ABCC9: variants seen among roughly 807,000 people sequenced by gnomAD.
ABCC9 encodes the protein ATP binding cassette subfamily C member 9, also known as ATP-binding cassette sub-family C member 9.
In ABCC9, 95 loss-of-function variants were observed where a neutral mutation model predicts 188.3. The ratio of observed to expected loss-of-function variants is 0.50; its 90% confidence interval spans 0.43 to 0.60. The LOEUF (loss-of-function observed/expected upper bound fraction) is 0.60. Among genes scored for constraint, ABCC9 ranks in the 20% least tolerant of loss-of-function variants. The pLI is 0.00. For synonymous variants in ABCC9, 659 were observed against 652.7 expected (o/e 1.01, Z -0.15); for missense variants, 1,102 against 1,876.3 (o/e 0.59, Z 7.62).
At chr12:21,848,803 A>G (rs966562613) in intron 24 of ABCC9, among the ~76,000 whole-genome samples, 2 of 150,310 alleles carry the variant, frequency 1.3e-5, no homozygotes, top group African/African-American at 4.8e-5. Context: ...AAAATAGGCA[A>G]TGAGGATTCT....
In ABCC9 at chr12:21,912,995, T is replaced by C. The variant is rs1265946706; in HGVS notation, c.888A>G (p.Pro296=). 16 of 1,613,332 alleles carry C rather than the reference T, an allele frequency of 9.9e-6. No homozygotes were observed. The highest frequency in any genetic ancestry group is 1.4e-5 in the Non-Finnish European group (16 of 1,179,670). The part of the protein sequence containing the change: ...WLAMYRAFGR[P]ILLSSTFRYL... ...AGCGGAATGTGCTACTAAGTAGAAT[T>C]GGTCGCCCAAAAGCTCTGTACATTG... is the stretch of plus-strand genomic sequence containing the variant. The change falls in exon 8 of 40, where the codon CCA becomes CCG. Residue 296 remains proline, a synonymous_variant. Coordinates refer to ENST00000261200, the MANE Select transcript of ABCC9 (RefSeq NM_020297.4).
At chr12:21,892,966 C>T (rs187596580) in intron 14 of ABCC9, among the ~76,000 whole-genome samples, 12 of 152,136 alleles carry the variant, frequency 7.9e-5, no homozygotes, top group East Asian at 1.9e-4. Flanking sequence ...TTCAATATTG[C>T]GACATCTTGG....
Position 21,838,140 on chromosome 12 carries a change from C to G in ABCC9, c.3504G>C (p.Gln1168His), listed in dbSNP as rs1944197447. 1 of 1,614,104 alleles carries G rather than the reference C, an allele frequency of 6.2e-7. No homozygotes were observed. The highest frequency in any genetic ancestry group is 2.2e-5 in the East Asian group (1 of 44,880). Residue 1168 changes from glutamine (Q) to histidine (H), a missense_variant, in exon 30 of 40, where the codon CAG becomes CAC. Around this residue, in one of 12 missense-constraint regions of ABCC9, gnomAD observed 143 missense variants for 225.6 expected, o/e 0.63. Transcript: ENST00000261200. Reference protein sequence around the residue: ...KDLQELDDSTQLPLLCHFSET... With the variant: ...KDLQELDDSTHLPLLCHFSET... ...CTGAGAAGTGACAGAGCAGAGGGAG[C>G]TGGGTACTATCGTCAAGTTCCTGGA... is the stretch of plus-strand genomic sequence containing the variant.
In ABCC9 at chr12:21,860,986, A is replaced by T. The variant is rs772727573; in HGVS notation, c.2409T>A (p.Thr803=). Residue 803 remains threonine (T), a synonymous_variant, in exon 21 of 40, where the codon ACT becomes ACA. Transcript: ENST00000261200. ...TATAGCTCACCCTCTCTCCAATTTCAGTTTGATCTCCAAATGGTAATAAGT... is the reference window on the plus strand; with the variant it reads ...TATAGCTCACCCTCTCTCCAATTTCTGTTTGATCTCCAAATGGTAATAAGT... The part of the protein sequence containing the change: ...DIDLLPFGDQ[T]EIGERGINLS... 5 of 1,612,904 alleles carry T rather than the reference A, an allele frequency of 3.1e-6. No homozygotes were observed. Among genetic ancestry groups the T allele is most frequent in the Non-Finnish European group, 4.2e-6 (5 of 1,179,290 alleles).
At chr12:21,940,447 A>T (rs181778860) in intron 2 of ABCC9, among the ~76,000 whole-genome samples, 1 of 152,342 alleles carries the variant, frequency 6.6e-6, no homozygotes, top group East Asian at 1.9e-4. Context: ...TTCATGAAAT[A>T]AAAACTAGAA....
intron 4 of ABCC9, among the ~76,000 whole-genome samples, chr12:21,926,316 G>A (rs554736267): frequency 1.3e-5 from 2 of 152,232 alleles, no homozygotes; most frequent in East Asian, 1.9e-4. Context: ...AGAAACAAAT[G>A]TATAGCTACT....
intron 4 of ABCC9, among the ~76,000 whole-genome samples, chr12:21,927,108 G>A (rs1466474302): frequency 2.6e-5 from 4 of 152,108 alleles, no homozygotes; most frequent in African/African-American, 9.7e-5. Context: ...TTTTAAAAAA[G>A]GAACAGAATG....
intron 15 of ABCC9, among the ~76,000 whole-genome samples, chr12:21,884,393 A>C (rs1003426699): frequency 2.0e-5 from 3 of 152,140 alleles, no homozygotes; most frequent in Non-Finnish European, 4.4e-5. Flanking sequence ...TCCTACTCAA[A>C]TACCTTATAG....
At chr12:21,933,695 T>C (rs757219067) in intron 4 of ABCC9, 87 bp downstream of exon 4, 9 of 1,498,094 alleles carry the variant, frequency 6.0e-6, no homozygotes, top group Non-Finnish European at 7.4e-6. Flanking sequence ...AGCACATTTA[T>C]GGGCACAAGT....
At chr12:21,871,957 C>T (rs1946105593) in intron 18 of ABCC9, among the ~76,000 whole-genome samples, 1 of 152,172 alleles carries the variant, frequency 6.6e-6, no homozygotes, top group African/African-American at 2.4e-5. Context: ...GTATAATTTA[C>T]TCTTTATTAA....
chr12:21,848,488 G>A (rs1944801037), intron 24 of ABCC9, among the ~76,000 whole-genome samples: 1 of 152,154 alleles, frequency 6.6e-6, no homozygotes, highest in South Asian at 2.1e-4. Flanking sequence ...AAGCAAGAAT[G>A]AGATGCAACT....
At chr12:21,888,207 T>G (rs1036940226) in intron 14 of ABCC9, among the ~76,000 whole-genome samples, 1 of 152,130 alleles carries the variant, frequency 6.6e-6, no homozygotes, top group African/African-American at 2.4e-5. Flanking sequence ...CAACAGAACC[T>G]TCTTTGCATT....
At chr12:21,916,456 G>A (rs994379578) in intron 6 of ABCC9, among the ~76,000 whole-genome samples, 1 of 152,170 alleles carries the variant, frequency 6.6e-6, no homozygotes, top group African/African-American at 2.4e-5. Context: ...CAATCAATAT[G>A]CAATTACAAA....
chr12:21,921,292 T>C (rs1269594139), intron 5 of ABCC9, among the ~76,000 whole-genome samples: 1 of 152,122 alleles, frequency 6.6e-6, no homozygotes, highest in Non-Finnish European at 1.5e-5. Flanking sequence ...TATCTCATTG[T>C]AGTTTTGATA....
intron 29 of ABCC9, among the ~76,000 whole-genome samples, chr12:21,841,594 C>T (rs564165101): frequency 4.0e-5 from 6 of 151,760 alleles, no homozygotes; most frequent in South Asian, 4.2e-4. Context: ...CCTGACCTCA[C>T]GATCCGCCCG....
chr12:21,923,888 G>T (rs1948941287), intron 5 of ABCC9: 3 of 688,930 alleles, frequency 4.4e-6, no homozygotes, highest in African/African-American at 1.8e-5. Context: ...ATTAACAAGG[G>T]ATTGAAAAAA....
chr12:21,885,108 C>T (rs1229637854), intron 15 of ABCC9, among the ~76,000 whole-genome samples: 1 of 152,182 alleles, frequency 6.6e-6, no homozygotes, highest in Non-Finnish European at 1.5e-5. Flanking sequence ...TATGAAGAGA[C>T]TTTGGCCCTA....
intron 18 of ABCC9, among the ~76,000 whole-genome samples, chr12:21,870,262 T>G (rs7958833): frequency 0.63 from 93,303 of 149,252 alleles, 29,508 homozygotes; most frequent in Non-Finnish European, 0.71. Context: ...TAGTTTTTTG[T>G]TTTTTTTTTT....
At chr12:21,917,143 T>C in intron 5 of ABCC9, 40 bp from the exon 6 acceptor site, 1 of 1,584,752 alleles carries the variant, frequency 6.3e-7, no homozygotes, top group Non-Finnish European at 8.7e-7. Flanking sequence ...TGCAATCTTT[T>C]CTTAAACATC....
Sources: gnomAD v4.1 joint callset for allele counts (sites outside exome capture counted in the v4.1 genomes callset) on GRCh38, gnomAD v4.1.1 for gene constraint, gnomAD v4.1.1 regional missense constraint, MANE v1.5 for transcripts, NCBI Gene and HGNC (gene_info 2026-07-23, HGNC 2026-07-21) for gene names.